The following INVS variants were observed in gnomAD, a reference collection of about 807,000 sequenced individuals.
INVS encodes the protein inversin.
Under a neutral mutation model 108.8 loss-of-function variants are expected in INVS, and 86 were observed. The observed-to-expected ratio is 0.79, with a 90% CI of 0.66 to 0.95. The LOEUF is 0.95. Among genes scored for constraint, INVS ranks in the 40% least tolerant of loss-of-function variants. The pLI is 0.00. For missense variants in INVS, 1,169 were observed against 1,297.4 expected (o/e 0.90, Z 1.52); for synonymous variants, 455 against 473.5 (o/e 0.96, Z 0.51).
chr9:100,257,180 T>C (rs572675322), intron 10 of INVS, among the ~76,000 whole-genome samples: 1 of 152,336 alleles, frequency 6.6e-6, no homozygotes, highest in East Asian at 1.9e-4. Flanking sequence ...TCTTTGTCTC[T>C]TTTGATCTTT....
intron 3 of INVS, chr9:100,129,556 A>G (rs1053058998): frequency 2.1e-5 from 10 of 482,722 alleles, no homozygotes; most frequent in Admixed American, 3.5e-5. Context: ...AAAATAAGAA[A>G]CCAACAAGAC....
intron 4 of INVS, among the ~76,000 whole-genome samples, chr9:100,228,447 G>C (rs1259906980): frequency 6.6e-6 from 1 of 152,148 alleles, no homozygotes; most frequent in Non-Finnish European, 1.5e-5. Flanking sequence ...TACATGGAAT[G>C]GGTTCCAGAT....
chr9:100,233,506 T>C (rs1367248082), intron 5 of INVS, among the ~76,000 whole-genome samples: 1 of 152,234 alleles, frequency 6.6e-6, no homozygotes, highest in East Asian at 1.9e-4. Flanking sequence ...GGCTGTGGGT[T>C]TGCCATAAAT....
rs879776713 is a variant in INVS at position 100,301,170 on chromosome 9, CACACACACAT to C, written c.*498_*507del. On this transcript the variant is annotated 3_prime_UTR_variant, in exon 17 of 17. Coordinates refer to ENST00000262457, the MANE Select transcript of INVS (RefSeq NM_014425.5). ...ACACACACACACACACACACACACACACACACACATATCACGTCCCACTATTACTTCAAAA... is the reference window on the plus strand; with the variant it reads ...ACACACACACACACACACACACACACATCACGTCCCACTATTACTTCAAAA... 7.9e-3 allele frequency among the ~76,000 whole-genome samples: 1,039 copies of C among 131,900 alleles called. 12 individuals are homozygous for C. The highest frequency in any genetic ancestry group is 0.035 in the East Asian group (113 of 3,218). The allele number at this position is 131,900 out of a possible 152,430, so 86.5% of individuals were successfully genotyped here. A position where few individuals can be genotyped will look rare whatever the true frequency, so the allele number is the denominator to read the frequency against.
intron 2 of INVS, among the ~76,000 whole-genome samples, chr9:100,107,948 G>A (rs1441308384): frequency 6.6e-6 from 1 of 152,078 alleles, no homozygotes; most frequent in Non-Finnish European, 1.5e-5. Flanking sequence ...CTCCCAAGTA[G>A]TCTATAATCA....
chr9:100,254,945 T>A (rs1353207739), intron 10 of INVS, among the ~76,000 whole-genome samples: 1 of 152,230 alleles, frequency 6.6e-6, no homozygotes, highest in Non-Finnish European at 1.5e-5. Context: ...TTTTTCCAAT[T>A]CTGTGAAGAA....
intron 10 of INVS, among the ~76,000 whole-genome samples, chr9:100,259,391 C>A (rs753692267): frequency 2.6e-5 from 4 of 152,050 alleles, no homozygotes; most frequent in African/African-American, 9.7e-5. Context: ...GATGCCCCAC[C>A]CTTCTTTGGC....
intron 3 of INVS, among the ~76,000 whole-genome samples, chr9:100,161,375 A>AC (rs1235944405): frequency 1.3e-4 from 20 of 150,100 alleles, no homozygotes; most frequent in African/African-American, 4.6e-4. Context: ...AAAAAAAAAA[A>AC]AAAAAAAAAA....
At chr9:100,209,960 CCT>C (rs943522585) in intron 3 of INVS, among the ~76,000 whole-genome samples, 7 of 152,072 alleles carry the variant, frequency 4.6e-5, no homozygotes, top group African/African-American at 1.7e-4. Context: ...ATTCTAGTCA[CCT>C]CTTTTTCATC....
At chr9:100,198,548 C>T (rs1285644891) in intron 3 of INVS, among the ~76,000 whole-genome samples, 1 of 151,208 alleles carries the variant, frequency 6.6e-6, no homozygotes, top group Non-Finnish European at 1.5e-5. Context: ...TCCTCAGCCT[C>T]CCAAAGTACT....
At chr9:100,108,342 ACTT>A (rs1404244365) in intron 2 of INVS, among the ~76,000 whole-genome samples, 1 of 152,162 alleles carries the variant, frequency 6.6e-6, no homozygotes, top group Non-Finnish European at 1.5e-5. Flanking sequence ...TGTCTGAGGA[ACTT>A]CTTATTAATT....
At chr9:100,134,565 T>C (rs1828163670) in intron 3 of INVS, among the ~76,000 whole-genome samples, 1 of 152,172 alleles carries the variant, frequency 6.6e-6, no homozygotes, top group South Asian at 2.1e-4. Flanking sequence ...CCACCAGCAG[T>C]GTAGAAGTGT....
chr9:100,253,131 A>T lies in INVS; in HGVS notation c.1459A>T (p.Lys487Ter), dbSNP rs398124271. Residue 487 changes from lysine (K) to a stop codon, truncating the protein, a stop_gained, in exon 10 of 17, where the codon AAA (lysine) becomes TAA (stop). Coordinates refer to ENST00000262457, the MANE Select transcript of INVS (RefSeq NM_014425.5). LOFTEE classifies it high-confidence loss of function. Reference sequence around the variant, plus strand: ...CAATGCAGACCCTAACATTCAAGACAAAGAGGTAGAAATTCTGTCTTTTCT... The same window carrying T: ...CAATGCAGACCCTAACATTCAAGACTAAGAGGTAGAAATTCTGTCTTTTCT... ...ENNADPNIQD[K>*]EGRTALHWSC... 6.2e-7 allele frequency: 1 copy of T among 1,609,164 alleles called. No homozygotes were observed.
At chr9:100,257,903 G>C (rs528993805) in intron 10 of INVS, among the ~76,000 whole-genome samples, 1 of 152,160 alleles carries the variant, frequency 6.6e-6, no homozygotes, top group African/African-American at 2.4e-5. Context: ...TGCTCTTCTC[G>C]AGGAGTATCT....
chr9:100,104,360 C>T, intron 1 of INVS, 138 bp from the exon 2 acceptor site: 2 of 675,888 alleles, frequency 3.0e-6, no homozygotes, highest in East Asian at 2.8e-5. Flanking sequence ...CCACTGCACC[C>T]AGCCAGGACT....
intron 3 of INVS, among the ~76,000 whole-genome samples, chr9:100,161,093 G>A (rs1829158262): frequency 6.6e-6 from 1 of 151,036 alleles, no homozygotes; most frequent in African/African-American, 2.4e-5. Context: ...AAATTGGCTG[G>A]GCATGGTGTA....
At chr9:100,144,736 C>T (rs543163636) in intron 3 of INVS, among the ~76,000 whole-genome samples, 1 of 152,006 alleles carries the variant, frequency 6.6e-6, no homozygotes, top group African/African-American at 2.4e-5. Context: ...AGAATTGGGA[C>T]TTAGCTCGGC....
intron 7 of INVS, among the ~76,000 whole-genome samples, chr9:100,244,767 A>G (rs1050136985): frequency 6.6e-6 from 1 of 152,218 alleles, no homozygotes; most frequent in Non-Finnish European, 1.5e-5. Context: ...AGAGCCCTGT[A>G]AACATTCATC....
chr9:100,138,700 C>CT (rs36096327), intron 3 of INVS, among the ~76,000 whole-genome samples: 2,048 of 124,918 alleles, frequency 0.016, 60 homozygotes, highest in African/African-American at 0.045. Flanking sequence ...TGATGGTTTC[C>CT]TTTTTTTTTT....
Sources: gnomAD v4.1 joint callset for allele counts (sites outside exome capture counted in the v4.1 genomes callset) on GRCh38, gnomAD v4.1.1 for gene constraint, MANE v1.5 for transcripts, NCBI Gene and HGNC (gene_info 2026-07-23, HGNC 2026-07-21) for gene names.